The following SVOPL variants were observed in gnomAD, a reference collection of about 807,000 sequenced individuals.
The protein encoded by SVOPL is putative transporter SVOPL.
Under a neutral mutation model 61.0 loss-of-function variants are expected in SVOPL, and 60 were observed. The ratio of observed to expected loss-of-function variants is 0.98; its 90% CI spans 0.80 to 1.22. The LOEUF (loss-of-function observed/expected upper bound fraction) is 1.22, where lower values mean the gene tolerates loss of function less well. Among genes scored for constraint, SVOPL ranks in the 50% most tolerant of loss-of-function variants. The probability of loss-of-function intolerance (pLI) is 0.00; values close to 1 mark genes in which losing one functional copy is unlikely to be tolerated. For synonymous variants in SVOPL, 279 were observed against 250.0 expected (o/e 1.12, Z -1.09); for missense variants, 662 against 643.9 (o/e 1.03, Z -0.30).
chr7:138,660,406 G>T, intron 5 of SVOPL: 2 of 985,044 alleles, frequency 2.0e-6, no homozygotes, highest in Non-Finnish European at 2.4e-6. Flanking sequence ...CAATACAGAA[G>T]AAAAAAGAAA....
chr7:138,626,090 A>G, intron 12 of SVOPL, 40 bp from the exon 13 acceptor site: 1 of 1,601,738 alleles, frequency 6.2e-7, no homozygotes. Context: ...AAAAGGCAGC[A>G]TGGAGGACCA....
chr7:138,604,678 A>AC (rs1491471753), intron 14 of SVOPL, among the ~76,000 whole-genome samples: 1 of 3,966 alleles, frequency 2.5e-4, no homozygotes, highest in East Asian at 0.025. Context: ...ACTTTATCTC[A>AC]AAAAAAAAAA....
At chr7:138,609,719 T>TTGGG (rs1554452869) in intron 14 of SVOPL, among the ~76,000 whole-genome samples, 1 of 55,008 alleles carries the variant, frequency 1.8e-5, no homozygotes, top group Non-Finnish European at 4.6e-5. Flanking sequence ...GTTTTTTTTT[T>TTGGG]GGGGGGGGTG....
In SVOPL at chr7:138,627,412, G is replaced by C; in HGVS notation, c.1119C>G (p.Ser373Arg). The C allele has an allele frequency of 1.2e-6, 2 of 1,613,772 alleles. No homozygotes were observed. The highest frequency in any genetic ancestry group is 8.5e-7 in the Non-Finnish European group (1 of 1,179,708). Residue 373 changes from serine to arginine, a missense_variant, in exon 12 of 16, where the codon AGC (serine) becomes AGG (arginine). Transcript: ENST00000674285. ...CCGTGCATCCCATGGTAATAGAAAGGCTCAGCCGTCTTCCCAGGAAATTGA... is the reference window on the plus strand; with the variant it reads ...CCGTGCATCCCATGGTAATAGAAAGCCTCAGCCGTCTTCCCAGGAAATTGA... ...LGINFLGRRL[S>R]LSITMGCTAL...
chr7:138,696,227 T>C (rs942248982), intron 1 of SVOPL, among the ~76,000 whole-genome samples: 95 of 152,220 alleles, frequency 6.2e-4, no homozygotes, highest in African/African-American at 2.1e-3. Flanking sequence ...TCTGTTTTTT[T>C]TCTTTTTTCT....
chr7:138,630,143 C>G (rs374039710), intron 9 of SVOPL, 21 bp from the exon 10 acceptor site: 33 of 1,578,478 alleles, frequency 2.1e-5, no homozygotes, highest in Non-Finnish European at 2.8e-5. Flanking sequence ...GAAAAGGAGA[C>G]AGAACATACT....
At chr7:138,689,477 G>A in intron 1 of SVOPL, 1 of 835,326 alleles carries the variant, frequency 1.2e-6, no homozygotes, top group Non-Finnish European at 2.0e-6. Flanking sequence ...AGGTTGCCCT[G>A]AAGAAAAAGA....
Position 138,678,521 on chromosome 7 carries a change from T to G in SVOPL, c.87A>C (p.Pro29=), listed in dbSNP as rs1213490988. ...CTGCATCTTCCACGGTGAACGTCTT[T>G]GGCTCTAACAACGAAAGACAAAGTG... The part of the protein sequence containing the change: ...LGTAEPQVKE[P]KTFTVEDAVE... Residue 29 remains proline (P), a synonymous_variant, in exon 3 of 16, where the codon CCA becomes CCC. Transcript: ENST00000674285. 1.3e-6 allele frequency: 2 copies of G among 1,552,060 alleles called. No individual in the cohort carries two copies. Among genetic ancestry groups the G allele is most frequent in the Admixed American group, 3.9e-5 (2 of 50,982 alleles).
chr7:138,603,974 T>C (rs1297353251), intron 14 of SVOPL, among the ~76,000 whole-genome samples: 5 of 147,540 alleles, frequency 3.4e-5, no homozygotes, highest in Non-Finnish European at 6.0e-5. Context: ...TTTTTTTTTT[T>C]TTTTCATTGA....
intron 3 of SVOPL, among the ~76,000 whole-genome samples, chr7:138,674,799 T>C (rs1802517113): frequency 6.7e-6 from 1 of 148,866 alleles, no homozygotes; most frequent in Non-Finnish European, 1.5e-5. Context: ...CAGCTTGCAG[T>C]GAGCCGAGAT....
At chr7:138,618,232 G>GATA (rs1440001391) in intron 14 of SVOPL, among the ~76,000 whole-genome samples, 5 of 152,202 alleles carry the variant, frequency 3.3e-5, no homozygotes, top group Non-Finnish European at 4.4e-5. Context: ...TGATCATCAT[G>GATA]ATAATATTAG....
At chr7:138,645,364 A>C (rs747858564) in intron 8 of SVOPL, among the ~76,000 whole-genome samples, 3 of 152,142 alleles carry the variant, frequency 2.0e-5, no homozygotes, top group Non-Finnish European at 2.9e-5. Flanking sequence ...GAAGCTCGAG[A>C]ATCAACTCTG....
intron 14 of SVOPL, among the ~76,000 whole-genome samples, chr7:138,614,019 C>A (rs960143127): frequency 1.3e-5 from 2 of 152,186 alleles, no homozygotes; most frequent in African/African-American, 2.4e-5. Context: ...AGAACTAGAA[C>A]AATGGCAGGC....
chr7:138,649,184 C>T, intron 7 of SVOPL, 47 bp from the exon 8 acceptor site: 1 of 1,438,604 alleles, frequency 7.0e-7, no homozygotes, highest in Non-Finnish European at 9.2e-7. Context: ...GGAATTATGA[C>T]AATGAAAAAA....
At chr7:138,656,881 A>C (rs1801764822) in intron 6 of SVOPL, among the ~76,000 whole-genome samples, 1 of 151,948 alleles carries the variant, frequency 6.6e-6, no homozygotes. Context: ...CGTTTCTACT[A>C]AAAATACAAA....
intron 4 of SVOPL, chr7:138,663,470 T>C: frequency 8.4e-7 from 1 of 1,188,400 alleles, no homozygotes; most frequent in Non-Finnish European, 1.0e-6. Context: ...TTTAAAATTG[T>C]CTGTTCATGC....
intron 14 of SVOPL, among the ~76,000 whole-genome samples, chr7:138,609,658 T>TAAAAC (rs567288357): frequency 8.4e-6 from 1 of 118,792 alleles, no homozygotes; most frequent in Non-Finnish European, 1.7e-5. Context: ...GACCCTGTCT[T>TAAAAC]AAAACAAAAC....
intron 3 of SVOPL, among the ~76,000 whole-genome samples, chr7:138,672,423 G>C (rs189148882): frequency 1.3e-5 from 2 of 152,082 alleles, no homozygotes; most frequent in East Asian, 1.9e-4. Flanking sequence ...CTGTGTGAAG[G>C]CCACTCCCAT....
chr7:138,657,061 A>C (rs918442885), intron 6 of SVOPL, among the ~76,000 whole-genome samples: 8 of 151,866 alleles, frequency 5.3e-5, no homozygotes, highest in African/African-American at 1.9e-4. Context: ...AAAAAGAAAT[A>C]TAAGCCTTAT....
Sources: allele counts gnomAD v4.1 joint callset (sites outside exome capture counted in the v4.1 genomes callset), GRCh38; gene constraint gnomAD v4.1.1; transcripts MANE v1.5; gene names NCBI Gene and HGNC (gene_info 2026-07-23, HGNC 2026-07-21).